ZC2HC1A: variants seen among roughly 807,000 people sequenced by gnomAD.
The protein encoded by ZC2HC1A is zinc finger C2HC domain-containing protein 1A.
Under a neutral mutation model 40.7 loss-of-function variants are expected in ZC2HC1A, and 28 were observed. The observed-to-expected ratio is 0.69, with a 90% CI of 0.51 to 0.94. The LOEUF (loss-of-function observed/expected upper bound fraction) is 0.94, where lower values mean the gene tolerates loss of function less well. ZC2HC1A is among the 40% of genes least tolerant of loss of function. The pLI, the probability that ZC2HC1A is intolerant of heterozygous loss-of-function variation, is 0.00. For synonymous variants in ZC2HC1A, 129 were observed against 129.2 expected, an observed-to-expected ratio of 1.00 and a Z score of 0.01; for missense variants, 389 against 386.3, an observed-to-expected ratio of 1.01 and a Z score of -0.06.
chr8:78,689,299 C>T lies in ZC2HC1A; in HGVS notation c.430C>T (p.Gln144Ter), dbSNP rs1428005701. The T allele has an allele frequency of 6.2e-7, 1 of 1,602,554 alleles. No individual in the cohort carries two copies. The highest frequency in any genetic ancestry group is 8.5e-7 in the Non-Finnish European group (1 of 1,174,482). ...ADRHINFCKE[Q>*]AARISNKGKF... ...TAGACATATAAATTTCTGTAAAGAA[C>T]AGGCAGCACGTATTAGTAATAAAGG... is the stretch of plus-strand genomic sequence containing the variant. Residue 144 changes from glutamine to a stop codon, truncating the protein, a stop_gained, in exon 5 of 9, where the codon CAG becomes TAG. Transcript: ENST00000263849. LOFTEE classifies it high-confidence loss of function.
intron 2 of ZC2HC1A, among the ~76,000 whole-genome samples, chr8:78,677,669 AACTTTG>A (rs1412604215): frequency 3.3e-5 from 5 of 151,854 alleles, no homozygotes; most frequent in Non-Finnish European, 7.4e-5. Flanking sequence ...GCAGTGTAGT[AACTTTG>A]ACTTTGTTAC....
intron 1 of ZC2HC1A, among the ~76,000 whole-genome samples, chr8:78,674,327 T>A (rs920405945): frequency 6.6e-6 from 1 of 152,190 alleles, no homozygotes; most frequent in Non-Finnish European, 1.5e-5. Context: ...TTTTAATATT[T>A]TGTATTGATG....
chr8:78,717,186 T>A (rs920347565), intron 8 of ZC2HC1A, 142 bp from the exon 9 acceptor site: 3 of 698,248 alleles, frequency 4.3e-6, no homozygotes, highest in African/African-American at 1.8e-5. Context: ...CTAACAAGGA[T>A]TTTTTAAAAT....
chr8:78,698,334 C>A, intron 6 of ZC2HC1A, 80 bp from the exon 7 acceptor site: 1 of 1,146,056 alleles, frequency 8.7e-7, no homozygotes, highest in Non-Finnish European at 1.2e-6. Context: ...ATTACTAAAG[C>A]ATTGTTTCCT....
chr8:78,682,975 A>G (rs1166910079), intron 3 of ZC2HC1A, among the ~76,000 whole-genome samples: 1 of 152,232 alleles, frequency 6.6e-6, no homozygotes, highest in East Asian at 1.9e-4. Flanking sequence ...TAAAGCTCTG[A>G]AACGATCTCC....
chr8:78,667,337 G>T (rs1415073205), intron 1 of ZC2HC1A, among the ~76,000 whole-genome samples: 1 of 152,064 alleles, frequency 6.6e-6, no homozygotes, highest in Non-Finnish European at 1.5e-5. Flanking sequence ...TTTTGCTTAT[G>T]TGTTTTTGGA....
At chr8:78,677,338 T>A (rs1189925459) in intron 2 of ZC2HC1A, among the ~76,000 whole-genome samples, 2 of 150,076 alleles carry the variant, frequency 1.3e-5, no homozygotes, top group Admixed American at 1.3e-4. Context: ...AATAAATGAA[T>A]GAATGGACAA....
rs1810558649 is a variant in ZC2HC1A, at chr8:78,700,317, T to A, written c.704+1804T>A. ...TTGTCCACTTTTTAATGGGATTGTT[T>A]GTTTTTTTTCTTGTAAGTTTCTTTT... On this transcript the variant is annotated intron_variant, in intron 7 of 8. Transcript: ENST00000263849. Among the ~76,000 whole-genome samples the A allele has an allele frequency of 2.6e-5, 4 of 152,168 alleles. No homozygotes were observed. The South Asian group carries it at 8.3e-4, about 32-fold the overall frequency.
intron 1 of ZC2HC1A, among the ~76,000 whole-genome samples, chr8:78,669,989 C>G (rs1176284888): frequency 1.0e-5 from 1 of 99,314 alleles, no homozygotes; most frequent in African/African-American, 3.5e-5. Flanking sequence ...TTTTTTGATA[C>G]GGAGTTTCGC....
Position 78,689,251 on chromosome 8 carries a change from A to G in ZC2HC1A, c.382A>G (p.Arg128Gly). The change falls in exon 5 of 9, where the codon AGA (arginine) becomes GGA (glycine). Residue 128 changes from arginine (R) to glycine (G), a missense_variant. Arg to Gly is a moderately radical substitution (Grantham distance 125). Transcript: ENST00000263849. ...TATTCAATGTCCATATTGTCAGAGG[A>G]GATTCAATGAAAATGCAGCTGATAG... ...DYIQCPYCQR[R>G]FNENAADRHI... 2.5e-6 allele frequency: 4 copies of G among 1,589,640 alleles called. No individual in the cohort carries two copies. Among genetic ancestry groups the G allele is most frequent in the Non-Finnish European group, 3.4e-6 (4 of 1,167,976 alleles).
chr8:78,695,464 C>T (rs1810369256), intron 5 of ZC2HC1A, among the ~76,000 whole-genome samples: 1 of 152,140 alleles, frequency 6.6e-6, no homozygotes, highest in Admixed American at 6.5e-5. Flanking sequence ...CATCAGCGCA[C>T]TTTGTTTATG....
intron 1 of ZC2HC1A, among the ~76,000 whole-genome samples, chr8:78,675,390 G>A (rs1316009497): frequency 6.6e-6 from 1 of 151,902 alleles, no homozygotes; most frequent in African/African-American, 2.4e-5. Flanking sequence ...GGAAGTCACT[G>A]AACTCATCAC....
chr8:78,711,942 G>A (rs1412396618), intron 7 of ZC2HC1A: 1 of 1,160,538 alleles, frequency 8.6e-7, no homozygotes, highest in South Asian at 1.3e-5. Context: ...TTTATATAAA[G>A]AAGCAGTAGC....
chr8:78,669,401 C>T (rs997988324), intron 1 of ZC2HC1A, among the ~76,000 whole-genome samples: 8 of 152,084 alleles, frequency 5.3e-5, no homozygotes, highest in African/African-American at 1.4e-4. Flanking sequence ...GTACCTAGTG[C>T]ATAGGAGGCC....
At chr8:78,701,705 A>C (rs955495421) in intron 7 of ZC2HC1A, among the ~76,000 whole-genome samples, 1 of 152,120 alleles carries the variant, frequency 6.6e-6, no homozygotes, top group Non-Finnish European at 1.5e-5. Flanking sequence ...ACGTGAAGGG[A>C]TGTTGAATTT....
At chr8:78,700,299 C>G (rs1810558262) in intron 7 of ZC2HC1A, among the ~76,000 whole-genome samples, 1 of 151,924 alleles carries the variant, frequency 6.6e-6, no homozygotes, top group Admixed American at 6.6e-5. Flanking sequence ...CTGTTGTCCA[C>G]TTTTTAATGG....
intron 1 of ZC2HC1A, among the ~76,000 whole-genome samples, chr8:78,674,206 T>G (rs1172571445): frequency 1.3e-5 from 2 of 152,156 alleles, no homozygotes; most frequent in South Asian, 4.1e-4. Flanking sequence ...ACGTGGTTTT[T>G]CTATGTGCTG....
At chr8:78,687,374 T>C (rs998274284) in intron 4 of ZC2HC1A, among the ~76,000 whole-genome samples, 4 of 150,750 alleles carry the variant, frequency 2.7e-5, no homozygotes, top group African/African-American at 9.7e-5. Context: ...AGAGATATAG[T>C]ATATCTACAG....
chr8:78,703,360 T>C (rs1308235817), intron 7 of ZC2HC1A, among the ~76,000 whole-genome samples: 3 of 152,128 alleles, frequency 2.0e-5, no homozygotes, highest in African/African-American at 7.2e-5. Context: ...ATCTGTCTAA[T>C]ATTGTCAGTG....
Sources: gnomAD v4.1 joint callset for allele counts (sites outside exome capture counted in the v4.1 genomes callset) on GRCh38, gnomAD v4.1.1 for gene constraint, MANE v1.5 for transcripts, NCBI Gene and HGNC (gene_info 2026-07-23, HGNC 2026-07-21) for gene names.